MECOM: variants seen among roughly 807,000 people sequenced by gnomAD.
The protein encoded by MECOM is MDS1 and EVI1 complex locus, also known as histone-lysine N-methyltransferase MECOM.
MECOM carries 13 observed loss-of-function variants against 116.3 expected under a neutral mutation model. The ratio of observed to expected loss-of-function variants is 0.11; its 90% CI spans 0.07 to 0.18. The LOEUF (loss-of-function observed/expected upper bound fraction) is 0.18. MECOM is among the 10% of genes least tolerant of loss of function. The pLI is 1.00. For synonymous variants in MECOM, 528 were observed against 535.2 expected, an observed-to-expected ratio of 0.99 and a Z score of 0.19; for missense variants, 1,299 against 1,509.0, an observed-to-expected ratio of 0.86 and a Z score of 2.31.
At chr3:169,182,729 T>G (rs1031569212) in intron 2 of MECOM, among the ~76,000 whole-genome samples, 1 of 152,200 alleles carries the variant, frequency 6.6e-6, no homozygotes, top group Non-Finnish European at 1.5e-5. Flanking sequence ...AGAAAAGTTT[T>G]CATCCTTAAT....
intron 2 of MECOM, among the ~76,000 whole-genome samples, chr3:169,335,694 T>C (rs1723481835): frequency 6.6e-6 from 1 of 152,186 alleles, no homozygotes; most frequent in Admixed American, 6.6e-5. Flanking sequence ...TGTGTTATAA[T>C]ATGTATTCAT....
At chr3:169,481,958 G>A (rs73174315) in intron 1 of MECOM, among the ~76,000 whole-genome samples, 10,747 of 152,124 alleles carry the variant, frequency 0.071, 647 homozygotes, top group East Asian at 0.25. Context: ...GTTTGGTGGT[G>A]GGAAGAGAAA....
intron 1 of MECOM, among the ~76,000 whole-genome samples, chr3:169,652,533 A>G (rs1775045034): frequency 6.6e-6 from 1 of 152,164 alleles, no homozygotes; most frequent in Admixed American, 6.5e-5. Context: ...ACTTGAGGAT[A>G]GTTGTCCAAG....
At chr3:169,142,665 C>T (rs1046500791) in intron 3 of MECOM, among the ~76,000 whole-genome samples, 5 of 151,970 alleles carry the variant, frequency 3.3e-5, no homozygotes, top group Non-Finnish European at 7.4e-5. Flanking sequence ...TTTACTACCT[C>T]TTACACCGTT....
chr3:169,186,370 AAGGAAGGAAGGGAGGGAGGGAGGGAGGG>A (rs1746742632), intron 2 of MECOM, among the ~76,000 whole-genome samples: 1 of 64,432 alleles, frequency 1.6e-5, no homozygotes, highest in Non-Finnish European at 2.9e-5. Context: ...GGAAGGAAGG[AAGGAAGGAAGGGAGGGAGGGAGGGAGGG>A]AGGGAGGGAG....
chr3:169,481,357 A>G (rs1751255799), intron 1 of MECOM, among the ~76,000 whole-genome samples: 1 of 152,198 alleles, frequency 6.6e-6, no homozygotes, highest in East Asian at 1.9e-4. Flanking sequence ...ATTCAAGACC[A>G]GCCTGGCCAA....
At chr3:169,268,473 T>G (rs1758567460) in intron 2 of MECOM, among the ~76,000 whole-genome samples, 1 of 152,210 alleles carries the variant, frequency 6.6e-6, no homozygotes, top group Non-Finnish European at 1.5e-5. Context: ...GCTATCTTCT[T>G]GTACTTTAGT....
intron 2 of MECOM, among the ~76,000 whole-genome samples, chr3:169,185,885 T>C (rs796660781): frequency 6.6e-6 from 1 of 152,256 alleles, no homozygotes; most frequent in South Asian, 2.1e-4. Context: ...ACTGAATTTA[T>C]GTCAGTTCAT....
At chr3:169,453,474 A>C (rs73879072) in intron 1 of MECOM, among the ~76,000 whole-genome samples, 1,939 of 152,330 alleles carry the variant, frequency 0.013, 40 homozygotes, top group African/African-American at 0.044. Flanking sequence ...CAGCCTTCGC[A>C]GATAAAATAT....
intron 1 of MECOM, among the ~76,000 whole-genome samples, chr3:169,594,135 G>A (rs1341354096): frequency 6.3e-5 from 6 of 95,426 alleles, no homozygotes; most frequent in African/African-American, 1.8e-4. Flanking sequence ...CCATCTCAAC[G>A]ACAACACCAC....
intron 2 of MECOM, among the ~76,000 whole-genome samples, chr3:169,371,501 T>C (rs192396317): frequency 4.5e-4 from 61 of 134,684 alleles, no homozygotes; most frequent in Non-Finnish European, 7.1e-4. Flanking sequence ...GAGTAGATCT[T>C]AAGTATTTTC....
chr3:169,388,027 T>C (rs1205344202), intron 1 of MECOM, among the ~76,000 whole-genome samples: 3 of 152,012 alleles, frequency 2.0e-5, no homozygotes, highest in Admixed American at 6.6e-5. Context: ...GCCAGTACTT[T>C]GTGCCCAACT....
chr3:169,476,970 A>G (rs1459150792), intron 1 of MECOM: 1 of 151,060 alleles, frequency 6.6e-6, no homozygotes, highest in Non-Finnish European at 1.5e-5. Context: ...GTGCCAACAA[A>G]CTAAAATTTT....
chr3:169,292,146 C>G (rs1368868847), intron 2 of MECOM, among the ~76,000 whole-genome samples: 1 of 151,996 alleles, frequency 6.6e-6, no homozygotes, highest in East Asian at 1.9e-4. Flanking sequence ...AGTTTGAGAG[C>G]AGCCTGGCCA....
intron 1 of MECOM, among the ~76,000 whole-genome samples, chr3:169,435,647 T>G (rs2108581593): frequency 6.6e-6 from 1 of 152,340 alleles, no homozygotes; most frequent in South Asian, 2.1e-4. Flanking sequence ...AACTCATATT[T>G]CCTTTTAAAA....
chr3:169,122,835 T>C (rs1205423183), intron 5 of MECOM, 108 bp from the exon 6 acceptor site: 5 of 1,284,262 alleles, frequency 3.9e-6, no homozygotes, highest in Non-Finnish European at 5.4e-6. Context: ...GGAAAAGGAG[T>C]TGAACTGAGA....
intron 5 of MECOM, among the ~76,000 whole-genome samples, chr3:169,122,930 A>G (rs114869601): frequency 1.3e-5 from 2 of 152,262 alleles, no homozygotes; most frequent in Non-Finnish European, 2.9e-5. Context: ...TGTGTCACCA[A>G]TATGAAGATG....
At chr3:169,567,638 G>T (rs1033754087) in intron 1 of MECOM, among the ~76,000 whole-genome samples, 2 of 152,204 alleles carry the variant, frequency 1.3e-5, no homozygotes, top group African/African-American at 4.8e-5. Context: ...CAAGCCAGAT[G>T]ATGATGACGC....
intron 1 of MECOM, among the ~76,000 whole-genome samples, chr3:169,486,890 C>A (rs1484356640): frequency 6.6e-6 from 1 of 152,074 alleles, no homozygotes; most frequent in Non-Finnish European, 1.5e-5. Context: ...ACAAAAGGAA[C>A]TTCAGGTTTA....
Sources: gnomAD v4.1 joint callset for allele counts (sites outside exome capture counted in the v4.1 genomes callset) on GRCh38, gnomAD v4.1.1 for gene constraint, MANE v1.5 for transcripts, NCBI Gene and HGNC (gene_info 2026-07-23, HGNC 2026-07-21) for gene names.